ROR1: variants seen among roughly 807,000 people sequenced by gnomAD.
The protein encoded by ROR1 is ROR family WNT receptor 1.
A neutral mutation model predicts 78.8 loss-of-function variants in ROR1; 19 were observed. The observed-to-expected ratio is 0.24, with a 90% CI of 0.17 to 0.35. The LOEUF (loss-of-function observed/expected upper bound fraction) is 0.35. Ranked by LOEUF, ROR1 falls within the 10% of genes least tolerant of loss-of-function variation. The pLI is 1.00. For missense variants in ROR1, 917 were observed against 1,177.8 expected (o/e 0.78, Z 3.24); for synonymous variants, 386 against 433.6 (o/e 0.89, Z 1.36).
At position 64,133,243 on chromosome 1, in the gene ROR1, T is replaced by C. The variant is rs191139558; in HGVS notation, c.483-4126T>C. 2.0e-5 allele frequency among the ~76,000 whole-genome samples: 3 copies of C among 152,262 alleles called. No homozygotes were observed. In the East Asian group the frequency reaches 5.8e-4, roughly 29 times the overall value. On this transcript the variant is annotated intron_variant, in intron 4 of 8. Coordinates refer to ENST00000371079, the MANE Select transcript of ROR1 (RefSeq NM_005012.4). Reference sequence around the variant, plus strand: ...GCCATGTCCGCATCGAAGTGCATCCTGTGGTTTGAGACTAGCAAGATCATC... The same window carrying C: ...GCCATGTCCGCATCGAAGTGCATCCCGTGGTTTGAGACTAGCAAGATCATC...
intron 1 of ROR1, among the ~76,000 whole-genome samples, chr1:63,846,151 TGTGTGTGTGTGTGTGTGTG>T (rs1285466964): frequency 1.5e-4 from 23 of 149,466 alleles, no homozygotes; most frequent in African/African-American, 5.5e-4. Flanking sequence ...TGTGTGTGTG[TGTGTGTGTGTGTGTGTGTG>T]TTTGAGAAAT....
intron 1 of ROR1, among the ~76,000 whole-genome samples, chr1:63,794,049 G>A (rs1644743423): frequency 6.6e-6 from 1 of 152,208 alleles, no homozygotes; most frequent in Non-Finnish European, 1.5e-5. Context: ...AGGAAGCACA[G>A]GGTGAGCTTC....
chr1:63,809,969 T>C (rs574695751), intron 1 of ROR1, among the ~76,000 whole-genome samples: 1 of 152,264 alleles, frequency 6.6e-6, no homozygotes, highest in South Asian at 2.1e-4. Flanking sequence ...AGTAAACTTA[T>C]CAGTGGTTTA....
intron 1 of ROR1, among the ~76,000 whole-genome samples, chr1:63,934,671 G>A (rs1213226305): frequency 6.6e-6 from 1 of 152,134 alleles, no homozygotes; most frequent in Non-Finnish European, 1.5e-5. Flanking sequence ...GAAAACATTT[G>A]GGTTGGCTTT....
intron 1 of ROR1, among the ~76,000 whole-genome samples, chr1:63,860,768 CG>C (rs1182815535): frequency 4.8e-5 from 5 of 104,608 alleles, no homozygotes; most frequent in African/African-American, 2.4e-4. Flanking sequence ...GAGTCTGTCT[CG>C]GGGAAAAAAA....
rs1179805202 is a variant in ROR1, at chr1:63,774,720, CG to C, written c.91+216del. On this transcript the variant is annotated intron_variant, in intron 1 of 8. Transcript: ENST00000371079. The surrounding 1 kb of genome is among the most constrained non-coding windows in gnomAD (Gnocchi z 5.7). ...TTTGCCCCGGAGCCCCGCGGCGGGC[CG>C]GGGCGCGCCCAGGGACTCGTTCCTC... 1.3e-5 allele frequency among the ~76,000 whole-genome samples: 2 copies of C among 151,366 alleles called. No individual in the cohort carries two copies. The highest frequency in any genetic ancestry group is 3.0e-5 in the Non-Finnish European group (2 of 67,786).
intron 1 of ROR1, among the ~76,000 whole-genome samples, chr1:63,943,093 TAAA>T (rs56230309): frequency 0.66 from 76,134 of 114,528 alleles, 27,673 homozygotes; most frequent in East Asian, 0.92. Context: ...ACCCTGTCTT[TAAA>T]AAAAAAAAAA....
intron 1 of ROR1, among the ~76,000 whole-genome samples, chr1:63,941,133 G>A (rs1488994343): frequency 6.6e-6 from 1 of 152,110 alleles, no homozygotes; most frequent in African/African-American, 2.4e-5. Context: ...CCCTGGACTG[G>A]GTTTTGTGCT....
At position 64,036,282 on chromosome 1, in the gene ROR1, A is replaced by G. The variant is rs372489982; in HGVS notation, c.164-13409A>G. Among the ~76,000 whole-genome samples the G allele has an allele frequency of 7.9e-5, 12 of 152,284 alleles. 1 individual carries two copies. The highest frequency in any genetic ancestry group is 1.9e-4 in the East Asian group (1 of 5,174). ...ATCCACCCATCCATCCAGTAAATAT[A>G]AACTGAGCAAGATTCTGCTACATGA... is the stretch of plus-strand genomic sequence containing the variant. On this transcript the variant is annotated intron_variant, in intron 2 of 8. Coordinates refer to ENST00000371079, the MANE Select transcript of ROR1 (RefSeq NM_005012.4).
At chr1:64,175,705 G>A (rs1400271222) in intron 8 of ROR1, among the ~76,000 whole-genome samples, 1 of 152,200 alleles carries the variant, frequency 6.6e-6, no homozygotes, top group East Asian at 1.9e-4. Context: ...GTCCTTTTAA[G>A]TGAGTATTTT....
At chr1:64,079,162 G>T (rs1647077613) in intron 4 of ROR1, among the ~76,000 whole-genome samples, 2 of 152,156 alleles carry the variant, frequency 1.3e-5, no homozygotes, top group Non-Finnish European at 2.9e-5. Context: ...GTCATTCCTA[G>T]GAGACAGATT....
At chr1:64,041,352 T>C (rs530986808) in intron 2 of ROR1, among the ~76,000 whole-genome samples, 77 of 152,314 alleles carry the variant, frequency 5.1e-4, no homozygotes, top group Non-Finnish European at 4.4e-4. Flanking sequence ...CACTCTAATT[T>C]GGTAGAGATC....
intron 1 of ROR1, among the ~76,000 whole-genome samples, chr1:63,809,265 G>T (rs1369382406): frequency 6.6e-6 from 1 of 152,182 alleles, no homozygotes; most frequent in Non-Finnish European, 1.5e-5. Flanking sequence ...CTGCCATCAA[G>T]AGGGAGATGA....
intron 1 of ROR1, among the ~76,000 whole-genome samples, chr1:63,854,283 C>A (rs781526233): frequency 6.6e-6 from 1 of 152,170 alleles, no homozygotes; most frequent in African/African-American, 2.4e-5. Context: ...TTATCTAAAT[C>A]TTAGCACCAC....
chr1:63,810,763 G>A (rs1019678751), intron 1 of ROR1, among the ~76,000 whole-genome samples: 2 of 152,204 alleles, frequency 1.3e-5, no homozygotes, highest in African/African-American at 4.8e-5. Context: ...GCTGGAACAC[G>A]GGTTTTGGGA....
In ROR1 at chr1:64,179,675, G is replaced by A. The variant is rs1650498130; in HGVS notation, c.*820G>A. 1 of 152,170 alleles carries A rather than the reference G, an allele frequency of 6.6e-6. No homozygotes were observed. The highest frequency in any genetic ancestry group is 2.1e-4 in the South Asian group (1 of 4,822). 9.4% of individuals were successfully genotyped at this position (152,170 alleles called of 1,614,324 possible). Reference sequence around the variant, plus strand: ...CCAAAGGAAGCACAGCCAGGAAAATGGCCCCACAGCCTAGATCAGCATCTG... The same window carrying A: ...CCAAAGGAAGCACAGCCAGGAAAATAGCCCCACAGCCTAGATCAGCATCTG... On this transcript the variant is annotated 3_prime_UTR_variant, in exon 9 of 9. Coordinates refer to ENST00000371079, the MANE Select transcript of ROR1 (RefSeq NM_005012.4).
intron 1 of ROR1, among the ~76,000 whole-genome samples, chr1:64,003,636 C>T (rs1557604169): frequency 1.3e-5 from 2 of 152,126 alleles, no homozygotes; most frequent in South Asian, 2.1e-4. Flanking sequence ...CCTTCAGGAC[C>T]CCAGATGTGG....
chr1:63,940,490 TAGACAGAC>T (rs67116114), intron 1 of ROR1, among the ~76,000 whole-genome samples: 10,249 of 91,240 alleles, frequency 0.11, 428 homozygotes, highest in East Asian at 0.24. Flanking sequence ...GACAGATAGA[TAGACAGAC>T]AGATAGATAG....
intron 4 of ROR1, among the ~76,000 whole-genome samples, chr1:64,136,693 G>A (rs1266040165): frequency 6.6e-6 from 1 of 151,980 alleles, no homozygotes; most frequent in African/African-American, 2.4e-5. Context: ...TAATTTTGAG[G>A]CCGCAAAATT....
Sources: allele counts gnomAD v4.1 joint callset (sites outside exome capture counted in the v4.1 genomes callset), GRCh38; gene constraint gnomAD v4.1.1; non-coding constraint Gnocchi (gnomAD v3.1); transcripts MANE v1.5; gene names NCBI Gene and HGNC (gene_info 2026-07-23, HGNC 2026-07-21).